RGCC: variants seen among roughly 807,000 people sequenced by gnomAD.
RGCC encodes regulator of cell cycle RGCC.
Under a neutral mutation model 15.4 loss-of-function variants are expected in RGCC, and 15 were observed. The observed-to-expected ratio is 0.97, with a 90% CI of 0.65 to 1.50. The LOEUF (loss-of-function observed/expected upper bound fraction) is 1.50. RGCC is among the 40% of genes most tolerant of loss of function. The pLI is 0.00. For missense variants in RGCC, 176 were observed against 189.7 expected, an observed-to-expected ratio of 0.93 and a Z score of 0.42; for synonymous variants, 81 against 78.0, an observed-to-expected ratio of 1.04 and a Z score of -0.20.
intron 3 of RGCC, 82 bp downstream of exon 3, chr13:41,467,012 C>T: frequency 1.2e-6 from 1 of 862,016 alleles, no homozygotes; most frequent in South Asian, 1.4e-5. Context: ...CCTTTTATCC[C>T]TAAACAATCT....
chr13:41,469,264 G>GTAATAATAATAA (rs767884291), intron 4 of RGCC, among the ~76,000 whole-genome samples: 132 of 136,602 alleles, frequency 9.7e-4, no homozygotes, highest in African/African-American at 3.7e-3. Context: ...CGTCAAAATA[G>GTAATAATAATAA]TAATAATAAT....
rs1258996684 is a variant in RGCC at position 41,457,634 on chromosome 13, A to C, written c.-74A>C. Reference sequence around the variant, plus strand: ...GCAGGGCTGAAGTGTGCGGGACAGCAAGCCCCCGAATAGCCCCGGCTGCCA... The same window carrying C: ...GCAGGGCTGAAGTGTGCGGGACAGCCAGCCCCCGAATAGCCCCGGCTGCCA... On this transcript the variant is annotated 5_prime_UTR_variant, in exon 1 of 5. Coordinates refer to ENST00000379359, the MANE Select transcript of RGCC (RefSeq NM_014059.3). This position sits in a 1 kb window ranked among gnomAD's most constrained non-coding sequence, Gnocchi z 4.9. 2 of 1,497,480 alleles carry C rather than the reference A, an allele frequency of 1.3e-6. No individual in the cohort carries two copies. Among genetic ancestry groups the C allele is most frequent in the African/African-American group, 2.9e-5 (2 of 68,260 alleles). The allele number at this position is 1,497,480 out of a possible 1,614,324, so 92.8% of individuals were successfully genotyped here.
chr13:41,467,069 G>T, intron 3 of RGCC, 139 bp downstream of exon 3: 1 of 619,090 alleles, frequency 1.6e-6, no homozygotes, highest in Non-Finnish European at 2.9e-6. Context: ...TCTTAATACT[G>T]TAGAGTATAC....
chr13:41,469,295 TAAGAAG>T (rs370476569), intron 4 of RGCC, among the ~76,000 whole-genome samples: 6,477 of 86,472 alleles, frequency 0.075, 167 homozygotes, highest in Non-Finnish European at 0.09. Flanking sequence ...ATAATAATAA[TAAGAAG>T]AAGAAGAAGA....
chr13:41,458,301 G>A lies in RGCC; in HGVS notation c.66G>A (p.Ser22=). Residue 22 remains serine, a synonymous_variant, in exon 2 of 5, where the codon TCG becomes TCA. Transcript: ENST00000379359. This position sits in a 1 kb window ranked among gnomAD's most constrained non-coding sequence, Gnocchi z 4.4. The stretch of plus-strand genomic sequence containing the variant: ...TGCCCGCAGCCCCGGCCCTGGACTC[G>A]GCGGCCGCGGAGGACCTGTCGGACG... ...AAAAAAPALD[S]AAAEDLSDAL... 1 of 1,577,712 alleles carries A rather than the reference G, an allele frequency of 6.3e-7. No homozygotes were observed. The highest frequency in any genetic ancestry group is 8.6e-7 in the Non-Finnish European group (1 of 1,169,194).
chr13:41,467,046 G>A, intron 3 of RGCC, 116 bp downstream of exon 3: 1 of 704,926 alleles, frequency 1.4e-6, no homozygotes, highest in Non-Finnish European at 2.5e-6. Context: ...AAAACAAATA[G>A]GTAAGACTAA....
In RGCC at chr13:41,470,724, T is replaced by C; in HGVS notation, c.*239T>C. On this transcript the variant is annotated 3_prime_UTR_variant, in exon 5 of 5. Coordinates refer to ENST00000379359, the MANE Select transcript of RGCC (RefSeq NM_014059.3). ...GCATATTAGAACAGACGATCCATGC[T>C]AATATTGTATTTTCTCTTAAAACAT... 1 of 434,672 alleles carries C rather than the reference T, an allele frequency of 2.3e-6. No homozygotes were observed. Among genetic ancestry groups the C allele is most frequent in the Non-Finnish European group, 4.1e-6 (1 of 245,700 alleles). 26.9% of individuals were successfully genotyped at this position (434,672 alleles called of 1,614,324 possible).
chr13:41,469,289 TAATAATAAGAAGAAGAAGAAGAAGAAG>T (rs1242888098), intron 4 of RGCC, among the ~76,000 whole-genome samples: 1 of 101,130 alleles, frequency 9.9e-6, no homozygotes, highest in Non-Finnish European at 2.2e-5. Flanking sequence ...ATAATAATAA[TAATAATAAGAAGAAGAAGAAGAAGAAG>T]AAGAAGAAGA....
At chr13:41,462,254 G>A (rs1306854801) in intron 2 of RGCC, among the ~76,000 whole-genome samples, 3 of 152,116 alleles carry the variant, frequency 2.0e-5, no homozygotes, top group East Asian at 1.9e-4. Flanking sequence ...GGAGCAGCAC[G>A]TTGACATGCG....
chr13:41,468,665 A>G (rs2043859549), intron 3 of RGCC, 111 bp from the exon 4 acceptor site: 4 of 766,044 alleles, frequency 5.2e-6, no homozygotes, highest in Non-Finnish European at 6.6e-6. Context: ...AATCCATTCT[A>G]TAACTCTGGA....
chr13:41,467,036 AAAAC>A, intron 3 of RGCC, 106 bp downstream of exon 3: 1 of 750,934 alleles, frequency 1.3e-6, no homozygotes, highest in South Asian at 1.5e-5. Context: ...TCAAATGTAC[AAAAC>A]AAATAGGTAA....
In RGCC at chr13:41,466,179, TCA is replaced by T. The variant is rs199905233; in HGVS notation, c.236-634_236-633del. ...CACGCACACACTCTCACACACTTTCTCACACACACACTCACACACACTCATAC... is the reference window on the plus strand; with the variant it reads ...CACGCACACACTCTCACACACTTTCTCACACACACTCACACACACTCATAC... On this transcript the variant is annotated intron_variant, in intron 2 of 4. Transcript: ENST00000379359. 6.2e-3 allele frequency among the ~76,000 whole-genome samples: 619 copies of T among 99,918 alleles called. 2 individuals are homozygous for T. Among genetic ancestry groups the T allele is most frequent in the Middle Eastern group, 0.011 (2 of 190 alleles). 65.6% of individuals were successfully genotyped at this position (99,918 alleles called of 152,430 possible). A position where few individuals can be genotyped will look rare whatever the true frequency, so the allele number is the denominator to read the frequency against.
At chr13:41,469,295 T>TAAGAAG (rs370476569) in intron 4 of RGCC, among the ~76,000 whole-genome samples, 151 of 86,734 alleles carry the variant, frequency 1.7e-3, no homozygotes, top group African/African-American at 4.8e-3. Flanking sequence ...ATAATAATAA[T>TAAGAAG]AAGAAGAAGA....
intron 2 of RGCC, among the ~76,000 whole-genome samples, chr13:41,459,221 T>C (rs1317758480): frequency 6.6e-6 from 1 of 152,212 alleles, no homozygotes; most frequent in African/African-American, 2.4e-5. Flanking sequence ...GGAACTCACA[T>C]GTCCTGGGAG....
rs201950908 is a variant in RGCC at position 41,470,547 on chromosome 13, C to G, written c.*62C>G. On this transcript the variant is annotated 3_prime_UTR_variant, in exon 5 of 5. Coordinates refer to ENST00000379359, the MANE Select transcript of RGCC (RefSeq NM_014059.3). The stretch of plus-strand genomic sequence containing the variant: ...AGCTTCAGAAAGTTCCGAGGACCTG[C>G]TAAAATCAGCTACTAGAATCTGCTG... 8.6e-6 allele frequency: 13 copies of G among 1,508,672 alleles called. No homozygotes were observed. In the East Asian group the frequency reaches 2.7e-4, roughly 31 times the overall value. The allele number at this position is 1,508,672 out of a possible 1,614,324, so 93.5% of individuals were successfully genotyped here.
chr13:41,468,940 T>C, intron 4 of RGCC, 102 bp downstream of exon 4: 1 of 879,964 alleles, frequency 1.1e-6, no homozygotes, highest in Non-Finnish European at 1.8e-6. Context: ...GCAGAAAGTT[T>C]CATCCTAAGC....
rs1297508628 is a variant in RGCC at position 41,470,749 on chromosome 13, T to C, written c.*264T>C. On this transcript the variant is annotated 3_prime_UTR_variant, in exon 5 of 5. Coordinates refer to ENST00000379359, the MANE Select transcript of RGCC (RefSeq NM_014059.3). ...TAATATTGTATTTTCTCTTAAAACA[T>C]AGCTTTCCTGTAATTTAAAGTGCTT... is the stretch of plus-strand genomic sequence containing the variant. 19 of 367,454 alleles carry C rather than the reference T, an allele frequency of 5.2e-5. No individual in the cohort carries two copies. The highest frequency in any genetic ancestry group is 7.2e-4 in the Middle Eastern group (1 of 1,390). The allele number at this position is 367,454 out of a possible 1,614,324, so 22.8% of individuals were successfully genotyped here. A position where few individuals can be genotyped will look rare whatever the true frequency, so the allele number is the denominator to read the frequency against.
chr13:41,462,353 TCA>T (rs1477163299), intron 2 of RGCC, among the ~76,000 whole-genome samples: 1 of 152,232 alleles, frequency 6.6e-6, no homozygotes, highest in Non-Finnish European at 1.5e-5. Flanking sequence ...GCAGTGTTTC[TCA>T]GACTCTGTTA....
Position 41,466,890 on chromosome 13 carries a change from T to A in RGCC, c.303T>A (p.Ser101=), listed in dbSNP as rs1444031875. ...AAAAACTGAATTCTCCAACAGACTC[T>A]ACCCCAGCTCTTCTCTCTGCCACTG... ...SDEKLNSPTD[S]TPALLSATVT... is the part of the protein sequence containing the mutation. The change falls in exon 3 of 5, where the codon TCT becomes TCA. Residue 101 remains serine, a synonymous_variant. Coordinates refer to ENST00000379359, the MANE Select transcript of RGCC (RefSeq NM_014059.3). 6.2e-7 allele frequency: 1 copy of A among 1,613,860 alleles called. No individual in the cohort carries two copies. The highest frequency in any genetic ancestry group is 8.5e-7 in the Non-Finnish European group (1 of 1,179,718).
Sources: gnomAD v4.1 joint callset for allele counts (sites outside exome capture counted in the v4.1 genomes callset) on GRCh38, gnomAD v4.1.1 for gene constraint, Gnocchi (gnomAD v3.1) non-coding constraint, MANE v1.5 for transcripts, NCBI Gene and HGNC (gene_info 2026-07-23, HGNC 2026-07-21) for gene names.